Variants in KCNK4 observed in about 807,000 individuals in gnomAD.
KCNK4 encodes the protein potassium channel subfamily K member 4.
Under a neutral mutation model 28.8 loss-of-function variants are expected in KCNK4, and 22 were observed. The ratio of observed to expected loss-of-function variants is 0.76; its 90% CI spans 0.55 to 1.09. The LOEUF is 1.09. KCNK4 is among the 50% of genes least tolerant of loss of function. The pLI is 0.00. For synonymous variants in KCNK4, 263 were observed against 252.9 expected (o/e 1.04, Z -0.38); for missense variants, 483 against 546.3 (o/e 0.88, Z 1.15).
chr11:64,295,405 G>A (rs764840833), intron 2 of KCNK4, among the ~76,000 whole-genome samples: 8 of 152,130 alleles, frequency 5.3e-5, no homozygotes, highest in Non-Finnish European at 1.0e-4. Flanking sequence ...GGGCAAAGGC[G>A]TGGAAGCTGG....
chr11:64,295,522 A>G (rs1181866417), intron 2 of KCNK4, among the ~76,000 whole-genome samples: 3 of 152,310 alleles, frequency 2.0e-5, no homozygotes, highest in Non-Finnish European at 4.4e-5. Flanking sequence ...TAAGTCGTGA[A>G]TTTATTGGAA....
chr11:64,299,347 T>C lies in KCNK4; in HGVS notation c.803T>C (p.Met268Thr). The C allele has an allele frequency of 2.6e-6, 4 of 1,553,042 alleles. No individual in the cohort carries two copies. Among genetic ancestry groups the C allele is most frequent in the Non-Finnish European group, 3.5e-6 (4 of 1,151,928 alleles). Residue 268 changes from methionine to threonine, a missense_variant and splice_region_variant, in exon 7 of 7, where the codon ATG (methionine) becomes ACG (threonine). By Grantham distance (81) the Met-to-Thr change is moderately conservative (BLOSUM62 -1). Transcript: ENST00000422670. ...GGGCTGCTTTCCCTCTCCGTGCAGA[T>C]GGGCGGCCTCACGGCTCAGGCTGCC... The part of the protein sequence containing the change: ...RVVSRRTRAE[M>T]GGLTAQAASW...
At chr11:64,292,276 C>T (rs560871176) in intron 1 of KCNK4, among the ~76,000 whole-genome samples, 2 of 152,256 alleles carry the variant, frequency 1.3e-5, no homozygotes, top group East Asian at 3.9e-4. Context: ...CGGGGGCTGT[C>T]GCCCCGGTGT....
intron 2 of KCNK4, among the ~76,000 whole-genome samples, chr11:64,294,125 G>C (rs1209853322): frequency 1.3e-5 from 2 of 152,162 alleles, no homozygotes; most frequent in Non-Finnish European, 2.9e-5. Context: ...TGCCAGGTCA[G>C]GTGCCCCTTC....
At chr11:64,294,498 G>C (rs2034716689) in intron 2 of KCNK4, among the ~76,000 whole-genome samples, 1 of 114,920 alleles carries the variant, frequency 8.7e-6, no homozygotes, top group Admixed American at 1.2e-4. Context: ...CTCCAGCCCA[G>C]CCTGGATGAT....
Position 64,299,928 on chromosome 11 carries a change from T to C in KCNK4, c.*202T>C. On this transcript the variant is annotated 3_prime_UTR_variant, in exon 7 of 7. Coordinates refer to ENST00000422670, the MANE Select transcript of KCNK4 (RefSeq NM_033310.3). ...ACCCCCCCAAGGCTTTCTGTGTCGC[T>C]GCCCCGGGCGGGTGTATCCCTCACA... The C allele has an allele frequency of 1.0e-6, 1 of 966,852 alleles. No individual in the cohort carries two copies. Among genetic ancestry groups the C allele is most frequent in the Non-Finnish European group, 1.5e-6 (1 of 659,848 alleles). 59.9% of individuals were successfully genotyped at this position (966,852 alleles called of 1,614,324 possible). A position where few individuals can be genotyped will look rare whatever the true frequency, so the allele number is the denominator to read the frequency against.
Position 64,292,934 on chromosome 11 carries a change from G to T in KCNK4, c.-77-8G>T. On this transcript the variant is annotated splice_polypyrimidine_tract_variant and splice_region_variant and intron_variant, in intron 1 of 6. Transcript: ENST00000422670. ...CAGTGACCCCAGCATCCCTGGTTTTGCCCGCAGTGACGACAGCTCCCCAGG... is the reference window on the plus strand; with the variant it reads ...CAGTGACCCCAGCATCCCTGGTTTTTCCCGCAGTGACGACAGCTCCCCAGG... 1 of 1,459,054 alleles carries T rather than the reference G, an allele frequency of 6.9e-7. No homozygotes were observed. 90.4% of individuals were successfully genotyped at this position (1,459,054 alleles called of 1,614,324 possible).
Position 64,293,122 on chromosome 11 carries a change from C to T in KCNK4, c.104C>T (p.Ala35Val), listed in dbSNP as rs1318097813. The change falls in exon 2 of 7, where the codon GCC (alanine) becomes GTC (valine). Residue 35 changes from alanine to valine, a missense_variant. Coordinates refer to ENST00000422670, the MANE Select transcript of KCNK4 (RefSeq NM_033310.3). ...RALEQPHEQQ[A>V]QRELGEVREK... ...CTGGAGCAGCCCCACGAGCAGCAGG[C>T]CCAGAGGGAGCTGGGGGAGGTCCGA... 6.5e-7 allele frequency: 1 copy of T among 1,545,692 alleles called. No homozygotes were observed.
At chr11:64,299,050 GAAAAAA>G (rs56097945) in intron 6 of KCNK4, among the ~76,000 whole-genome samples, 7 of 85,078 alleles carry the variant, frequency 8.2e-5, no homozygotes, top group South Asian at 4.3e-4. Context: ...AAAAAAAGAA[GAAAAAA>G]AAAAAAAAAA....
Position 64,297,661 on chromosome 11 carries a change from C to A in KCNK4, c.661+8C>A. On this transcript the variant is annotated splice_region_variant and intron_variant, in intron 5 of 6. Transcript: ENST00000422670. ...TTGGCGACTATGTGGCCGGTGAGGCCGCCCTTCTTGTGCTGCACTTTCCCA... is the reference window on the plus strand; with the variant it reads ...TTGGCGACTATGTGGCCGGTGAGGCAGCCCTTCTTGTGCTGCACTTTCCCA... 6.2e-7 allele frequency: 1 copy of A among 1,606,878 alleles called. No individual in the cohort carries two copies. Among genetic ancestry groups the A allele is most frequent in the Non-Finnish European group, 8.5e-7 (1 of 1,174,502 alleles).
chr11:64,292,259 G>A, intron 1 of KCNK4: 1 of 238,492 alleles, frequency 4.2e-6, no homozygotes, highest in Non-Finnish European at 6.8e-6. Flanking sequence ...CGGACTGACA[G>A]CTGTCTCGGG....
chr11:64,296,824 G>A, intron 2 of KCNK4, 54 bp from the exon 3 acceptor site: 1 of 1,489,102 alleles, frequency 6.7e-7, no homozygotes, highest in African/African-American at 1.4e-5. Context: ...GCCACGAGTT[G>A]CCCTAGACAG....
chr11:64,296,962 A>G lies in KCNK4; in HGVS notation c.274A>G (p.Ser92Gly), dbSNP rs762361006. 1.3e-6 allele frequency: 2 copies of G among 1,521,922 alleles called. No individual in the cohort carries two copies. The highest frequency in any genetic ancestry group is 4.6e-5 in the East Asian group (2 of 43,904). The allele number at this position is 1,521,922 out of a possible 1,614,324, so 94.3% of individuals were successfully genotyped here. The part of the protein sequence containing the change: ...NSSHSAWDLG[S>G]AFFFSGTIIT... ...CAGCCACTCAGCCTGGGACCTGGGCAGCGCCTTCTTTTTCTCAGGGACCAT... is the reference window on the plus strand; with the variant it reads ...CAGCCACTCAGCCTGGGACCTGGGCGGCGCCTTCTTTTTCTCAGGGACCAT... The change falls in exon 3 of 7, where the codon AGC becomes GGC. Residue 92 changes from serine (S) to glycine (G), a missense_variant. Coordinates refer to ENST00000422670, the MANE Select transcript of KCNK4 (RefSeq NM_033310.3).
chr11:64,297,195 G>A lies in KCNK4; in HGVS notation c.390G>A (p.Leu130=), dbSNP rs1231082827. ...CIFYALVGIP[L]FGILLAGVGD... is the part of the protein sequence containing the mutation. ...TTTATGCGCTGGTGGGGATTCCGCT[G>A]TTTGGGATCCTACTGGCAGGGGTCG... The change falls in exon 4 of 7, where the codon CTG becomes CTA. Residue 130 remains leucine (L), a synonymous_variant. Transcript: ENST00000422670. 1 of 1,614,162 alleles carries A rather than the reference G, an allele frequency of 6.2e-7. No homozygotes were observed. Among genetic ancestry groups the A allele is most frequent in the Non-Finnish European group, 8.5e-7 (1 of 1,180,022 alleles).
At chr11:64,297,300 C>A in intron 4 of KCNK4, 21 bp downstream of exon 4, 1 of 1,601,634 alleles carries the variant, frequency 6.2e-7, no homozygotes, top group African/African-American at 1.3e-5. Context: ...CCATGCCCTG[C>A]CTGCCCTTGT....
In KCNK4 at chr11:64,298,090, C is replaced by A; in HGVS notation, c.662-20C>A. 6.2e-7 allele frequency: 1 copy of A among 1,611,246 alleles called. No individual in the cohort carries two copies. The highest frequency in any genetic ancestry group is 1.7e-5 in the Admixed American group (1 of 59,756). On this transcript the variant is annotated intron_variant, in intron 5 of 6. Transcript: ENST00000422670. Reference sequence around the variant, plus strand: ...TGCCCCACAATCCAATTCTTTCTACCTTCCCTGGTGGTATCCCAGGCGCGG... The same window carrying A: ...TGCCCCACAATCCAATTCTTTCTACATTCCCTGGTGGTATCCCAGGCGCGG...
chr11:64,299,676 G>A lies in KCNK4; in HGVS notation c.1132G>A (p.Val378Met), dbSNP rs1263269118. 4 of 1,595,060 alleles carry A rather than the reference G, an allele frequency of 2.5e-6. No homozygotes were observed. The African/African-American group carries it at 4.0e-5, about 16-fold the overall frequency. The change falls in exon 7 of 7, where the codon GTG becomes ATG. Residue 378 changes from valine to methionine, a missense_variant. Val to Met is a conservative substitution (Grantham distance 21). Coordinates refer to ENST00000422670, the MANE Select transcript of KCNK4 (RefSeq NM_033310.3). ...CCGCCCAAATCCCCCCAGGAAGCCC[G>A]TGCGGCCCCGCGGCCCCGGGCGTCC... ...RRRPNPPRKP[V>M]RPRGPGRPRD...
In KCNK4 at chr11:64,296,903, G is replaced by T. The variant is rs758007595; in HGVS notation, c.215G>T (p.Gly72Val). ...IKEVADALGG[G>V]ADPETNSTSN... Reference sequence around the variant, plus strand: ...GAGGTGGCTGATGCCCTGGGAGGGGGTGCGGACCCAGAAACCAACTCGACC... The same window carrying T: ...GAGGTGGCTGATGCCCTGGGAGGGGTTGCGGACCCAGAAACCAACTCGACC... The change falls in exon 3 of 7, where the codon GGT (glycine) becomes GTT (valine). Residue 72 changes from glycine (G) to valine (V), a missense_variant. Coordinates refer to ENST00000422670, the MANE Select transcript of KCNK4 (RefSeq NM_033310.3). 1.3e-6 allele frequency: 2 copies of T among 1,511,848 alleles called. No individual in the cohort carries two copies. The highest frequency in any genetic ancestry group is 1.8e-6 in the Non-Finnish European group (2 of 1,131,716). 93.7% of individuals were successfully genotyped at this position (1,511,848 alleles called of 1,614,324 possible). A position where few individuals can be genotyped will look rare whatever the true frequency, so the allele number is the denominator to read the frequency against.
In KCNK4 at chr11:64,297,487, G is replaced by A; in HGVS notation, c.495G>A (p.Glu165=). The A allele has an allele frequency of 2.5e-6, 4 of 1,614,162 alleles. No individual in the cohort carries two copies. The highest frequency in any genetic ancestry group is 3.4e-6 in the Non-Finnish European group (4 of 1,180,018). ...CGCAGAAGTGGCACGTGCCACCGGA[G>A]CTAGTAAGAGTGCTGTCGGCGATGC... ...AIFLKWHVPP[E]LVRVLSAMLF... is the part of the protein sequence containing the mutation. The change falls in exon 5 of 7, where the codon GAG becomes GAA. Residue 165 remains glutamate, a synonymous_variant. Coordinates refer to ENST00000422670, the MANE Select transcript of KCNK4 (RefSeq NM_033310.3).
Sources: allele counts gnomAD v4.1 joint callset (sites outside exome capture counted in the v4.1 genomes callset), GRCh38; gene constraint gnomAD v4.1.1; transcripts MANE v1.5; gene names NCBI Gene and HGNC (gene_info 2026-07-23, HGNC 2026-07-21).